SLC1A2: variants seen among roughly 807,000 people sequenced by gnomAD.
SLC1A2 encodes excitatory amino acid transporter 2.
SLC1A2 carries 15 observed loss-of-function variants against 48.8 expected under a neutral mutation model. The ratio of observed to expected loss-of-function variants is 0.31; its 90% CI spans 0.21 to 0.47. The LOEUF is 0.47. Among genes scored for constraint, SLC1A2 ranks in the 20% least tolerant of loss-of-function variants. The pLI is 0.99. For synonymous variants in SLC1A2, 279 were observed against 272.6 expected, an observed-to-expected ratio of 1.02 and a Z score of -0.23; for missense variants, 502 against 730.5, an observed-to-expected ratio of 0.69 and a Z score of 3.61.
intron 6 of SLC1A2, chr11:35,298,325 T>C (rs1002560037): frequency 2.6e-5 from 4 of 152,146 alleles, no homozygotes; most frequent in Non-Finnish European, 5.9e-5. Context: ...GTAATTCTAA[T>C]TTATAATTTA....
chr11:35,356,071 C>T (rs1853450320), intron 1 of SLC1A2, among the ~76,000 whole-genome samples: 1 of 152,002 alleles, frequency 6.6e-6, no homozygotes, highest in African/African-American at 2.4e-5. Flanking sequence ...GGCCAACTGC[C>T]CATGAAAGTT....
At chr11:35,370,857 A>C in intron 1 of SLC1A2, 2 of 663,118 alleles carry the variant, frequency 3.0e-6, no homozygotes, top group Non-Finnish European at 3.7e-6. Context: ...CAAGAAGAAC[A>C]TGAGCTGCAC....
intron 9 of SLC1A2, among the ~76,000 whole-genome samples, chr11:35,272,585 T>G (rs376030839): frequency 9.9e-4 from 151 of 152,326 alleles, no homozygotes; most frequent in African/African-American, 2.5e-3. Context: ...CATGGGAGTT[T>G]GTGGTTCATG....
chr11:35,372,201 C>A (rs1201494117), intron 1 of SLC1A2, among the ~76,000 whole-genome samples: 1 of 152,208 alleles, frequency 6.6e-6, no homozygotes, highest in Non-Finnish European at 1.5e-5. Context: ...TGCCCCTTGG[C>A]CTCTCTTGTC....
chr11:35,278,547 G>A (rs1196632315), intron 9 of SLC1A2, among the ~76,000 whole-genome samples: 1 of 152,026 alleles, frequency 6.6e-6, no homozygotes, highest in Non-Finnish European at 1.5e-5. Flanking sequence ...CCAAAGTGCT[G>A]GGCACTTCTT....
intron 9 of SLC1A2, 23 bp from the exon 10 acceptor site, chr11:35,265,781 G>T (rs748679625): frequency 6.8e-6 from 10 of 1,474,772 alleles, no homozygotes; most frequent in South Asian, 1.2e-5. Flanking sequence ...AACAGAAAAG[G>T]TTCAGTGAGG....
At chr11:35,395,765 C>G (rs1161533124) in intron 1 of SLC1A2, among the ~76,000 whole-genome samples, 1 of 144,124 alleles carries the variant, frequency 6.9e-6, no homozygotes, top group Admixed American at 6.9e-5. Flanking sequence ...CGTGCTGGTG[C>G]GCTGCACCCA....
rs920603359 is a variant in SLC1A2, at chr11:35,251,732, G to T, written c.*9162C>A. The T allele has an allele frequency of 3.3e-5, 5 of 152,590 alleles. No homozygotes were observed. The highest frequency in any genetic ancestry group is 1.2e-4 in the African/African-American group (5 of 41,434). The allele number at this position is 152,590 out of a possible 1,614,324, so 9.5% of individuals were successfully genotyped here. On this transcript the variant is annotated 3_prime_UTR_variant, in exon 11 of 11. Coordinates refer to ENST00000278379, the MANE Select transcript of SLC1A2 (RefSeq NM_004171.4). The stretch of plus-strand genomic sequence containing the variant: ...GCCTGTCCACCATATCTCCTCATAT[G>T]AAGCAGCCACTGCAAATTAATGTGC...
chr11:35,321,280 G>A (rs998626445), intron 1 of SLC1A2, among the ~76,000 whole-genome samples: 2 of 152,102 alleles, frequency 1.3e-5, no homozygotes, highest in African/African-American at 4.8e-5. Context: ...ATGAGATTTG[G>A]GTGGGAACAC....
chr11:35,399,503 A>G, intron 1 of SLC1A2: 1 of 382,048 alleles, frequency 2.6e-6, no homozygotes, highest in South Asian at 1.1e-4. Context: ...CCACAGCAGG[A>G]GGTAGAGCTA....
chr11:35,251,461 T>C lies in SLC1A2; in HGVS notation c.*9433A>G, dbSNP rs953948452. On this transcript the variant is annotated 3_prime_UTR_variant, in exon 11 of 11. Transcript: ENST00000278379. The stretch of plus-strand genomic sequence containing the variant: ...CATATATGAGAAACAATTCAAAAAT[T>C]AGTTGAAGATTTTATCTTTTTGCAT... The C allele has an allele frequency of 1.3e-5, 2 of 152,540 alleles. No individual in the cohort carries two copies. Among genetic ancestry groups the C allele is most frequent in the Non-Finnish European group, 2.9e-5 (2 of 68,014 alleles). 9.4% of individuals were successfully genotyped at this position (152,540 alleles called of 1,614,324 possible).
chr11:35,275,280 A>C (rs868357291), intron 9 of SLC1A2, among the ~76,000 whole-genome samples: 2 of 152,246 alleles, frequency 1.3e-5, no homozygotes, highest in African/African-American at 4.8e-5. Flanking sequence ...TCTCACTAGC[A>C]GAGTCTTATG....
intron 1 of SLC1A2, among the ~76,000 whole-genome samples, chr11:35,372,185 C>T (rs551997590): frequency 7.4e-4 from 112 of 152,342 alleles, no homozygotes; most frequent in African/African-American, 2.7e-3. Flanking sequence ...AGAGAAACTA[C>T]AAGGCTGCCC....
chr11:35,343,651 TC>T (rs2135046758), intron 1 of SLC1A2, among the ~76,000 whole-genome samples: 1 of 151,846 alleles, frequency 6.6e-6, no homozygotes, highest in Admixed American at 6.6e-5. Flanking sequence ...AGGATGGAGG[TC>T]CCCTGGGAAT....
intron 1 of SLC1A2, among the ~76,000 whole-genome samples, chr11:35,405,058 G>GACTCGCACTGTGAGT (rs1379040570): frequency 2.6e-5 from 4 of 152,080 alleles, no homozygotes; most frequent in Non-Finnish European, 5.9e-5. Flanking sequence ...CCAATCACAG[G>GACTCGCACTGTGAGT]ACTCGCACTG....
At chr11:35,341,558 T>C (rs1230337371) in intron 1 of SLC1A2, among the ~76,000 whole-genome samples, 2 of 152,202 alleles carry the variant, frequency 1.3e-5, no homozygotes, top group African/African-American at 4.8e-5. Context: ...TCAACTACCT[T>C]AGCAATCAGG....
intron 6 of SLC1A2, among the ~76,000 whole-genome samples, chr11:35,294,016 C>G (rs1202637432): frequency 6.6e-6 from 1 of 152,224 alleles, no homozygotes; most frequent in East Asian, 1.9e-4. Context: ...GCTAAAAACC[C>G]CTCTCGCATC....
chr11:35,269,831 C>T lies in SLC1A2; in HGVS notation c.1422-4073G>A, dbSNP rs540563240. Among the ~76,000 whole-genome samples the T allele has an allele frequency of 6.6e-5, 10 of 152,266 alleles. No individual in the cohort carries two copies. In the South Asian group the frequency reaches 1.2e-3, roughly 19 times the overall value. ...TTGTATAGAATAAAAGCAGACTGGC[C>T]GGATGCAGTGGCTCACGCCTGCAAT... On this transcript the variant is annotated intron_variant, in intron 9 of 10. Coordinates refer to ENST00000278379, the MANE Select transcript of SLC1A2 (RefSeq NM_004171.4).
At chr11:35,331,905 C>G (rs1463812867) in intron 1 of SLC1A2, among the ~76,000 whole-genome samples, 1 of 152,166 alleles carries the variant, frequency 6.6e-6, no homozygotes, top group Non-Finnish European at 1.5e-5. Context: ...GGCCATACAT[C>G]TATCCCTGGG....
Sources: allele counts gnomAD v4.1 joint callset (sites outside exome capture counted in the v4.1 genomes callset), GRCh38; gene constraint gnomAD v4.1.1; transcripts MANE v1.5; gene names NCBI Gene and HGNC (gene_info 2026-07-23, HGNC 2026-07-21).